Variants in FARS2 observed in about 807,000 individuals in gnomAD.
FARS2 encodes phenylalanyl-tRNA synthetase 2, mitochondrial.
Under a neutral mutation model 46.4 loss-of-function variants are expected in FARS2, and 40 were observed. The ratio of observed to expected loss-of-function variants is 0.86; its 90% CI spans 0.67 to 1.12. The LOEUF is 1.12. FARS2 is among the 50% of genes most tolerant of loss of function. FARS2 has a pLI of 0.00. For missense variants in FARS2, 513 were observed against 567.9 expected (o/e 0.90, Z 0.98); for synonymous variants, 234 against 214.9 (o/e 1.09, Z -0.78).
At chr6:5,271,949 G>C (rs934168891) in intron 1 of FARS2, among the ~76,000 whole-genome samples, 35 of 152,098 alleles carry the variant, frequency 2.3e-4, no homozygotes, top group African/African-American at 8.2e-4. Flanking sequence ...AGGACCCCCT[G>C]CCGCCACCAC....
At chr6:5,479,873 C>G (rs1414864921) in intron 4 of FARS2, among the ~76,000 whole-genome samples, 2 of 152,200 alleles carry the variant, frequency 1.3e-5, no homozygotes, top group African/African-American at 4.8e-5. Flanking sequence ...TACCAGCTAG[C>G]TATATTGATG....
intron 6 of FARS2, among the ~76,000 whole-genome samples, chr6:5,624,673 G>T (rs926498403): frequency 6.6e-6 from 1 of 152,200 alleles, no homozygotes; most frequent in Admixed American, 6.5e-5. Flanking sequence ...CTCTTTCCAA[G>T]ATGAGGGATG....
chr6:5,281,544 A>G (rs2127856746), intron 1 of FARS2, among the ~76,000 whole-genome samples: 1 of 152,266 alleles, frequency 6.6e-6, no homozygotes, highest in South Asian at 2.1e-4. Flanking sequence ...TGCTTGAGGA[A>G]AACACCACCA....
chr6:5,370,454 A>G (rs1407043755), intron 2 of FARS2, among the ~76,000 whole-genome samples: 3 of 152,180 alleles, frequency 2.0e-5, no homozygotes, highest in African/African-American at 4.8e-5. Context: ...TTAGGGAACT[A>G]ATATGAGATG....
At chr6:5,452,509 C>G (rs1764556522) in intron 4 of FARS2, 1 of 152,288 alleles carries the variant, frequency 6.6e-6, no homozygotes, top group East Asian at 1.9e-4. Flanking sequence ...GGGCAGTCCT[C>G]ATGCTCATTT....
At chr6:5,395,344 C>T (rs895122539) in intron 2 of FARS2, among the ~76,000 whole-genome samples, 1 of 152,108 alleles carries the variant, frequency 6.6e-6, no homozygotes, top group Non-Finnish European at 1.5e-5. Context: ...AGCCACTGTG[C>T]CTGGCCACTG....
intron 5 of FARS2, among the ~76,000 whole-genome samples, chr6:5,549,934 A>T (rs76008096): frequency 0.01 from 1,585 of 152,276 alleles, 29 homozygotes; most frequent in African/African-American, 0.036. Flanking sequence ...TCATCTAAAT[A>T]TCATCAGCCC....
chr6:5,484,833 TAGTG>T (rs1223493888), intron 4 of FARS2, among the ~76,000 whole-genome samples: 1 of 152,142 alleles, frequency 6.6e-6, no homozygotes, highest in Non-Finnish European at 1.5e-5. Context: ...ATGGTATCCT[TAGTG>T]CGTGCAGCTG....
chr6:5,281,809 G>A (rs1561929210), intron 1 of FARS2, among the ~76,000 whole-genome samples: 1 of 152,132 alleles, frequency 6.6e-6, no homozygotes, highest in Non-Finnish European at 1.5e-5. Context: ...TTGGGAAATG[G>A]TAGACACTTC....
At chr6:5,420,854 AAGCCCAC>A (rs1289351402) in intron 3 of FARS2, among the ~76,000 whole-genome samples, 4 of 152,000 alleles carry the variant, frequency 2.6e-5, no homozygotes, top group Non-Finnish European at 5.9e-5. Flanking sequence ...CTCCTGCCGC[AAGCCCAC>A]AGTGTGCCAT....
intron 4 of FARS2, among the ~76,000 whole-genome samples, chr6:5,515,452 A>C (rs1768727688): frequency 6.6e-6 from 1 of 151,920 alleles, no homozygotes; most frequent in Non-Finnish European, 1.5e-5. Context: ...TTTTTGAGAC[A>C]GAGTCTCCCT....
At chr6:5,667,027 A>G (rs1778161343) in intron 6 of FARS2, among the ~76,000 whole-genome samples, 2 of 152,288 alleles carry the variant, frequency 1.3e-5, no homozygotes, top group Admixed American at 6.5e-5. Context: ...TTGCAAACAC[A>G]TGGACACATA....
chr6:5,399,445 G>C (rs1350571839), intron 2 of FARS2, among the ~76,000 whole-genome samples: 1 of 151,972 alleles, frequency 6.6e-6, no homozygotes, highest in Non-Finnish European at 1.5e-5. Context: ...CAAAGTGCTG[G>C]GATTGCAGGT....
chr6:5,542,035 C>T (rs961289973), intron 4 of FARS2, among the ~76,000 whole-genome samples: 2 of 152,128 alleles, frequency 1.3e-5, no homozygotes, highest in African/African-American at 4.8e-5. Flanking sequence ...AGCATATAAC[C>T]AGCAATGAGG....
Position 5,545,395 on chromosome 6 carries a change from C to T in FARS2, c.1065+55C>T, listed in dbSNP as rs567014004. On this transcript the variant is annotated intron_variant, in intron 5 of 6. Transcript: ENST00000274680. ...AATAATAAAAATGGCTGTCAAGGAT[C>T]GACAGGATCATGTACTTGAAAGCCA... 41 of 1,338,786 alleles carry T rather than the reference C, an allele frequency of 3.1e-5. 2 individuals are homozygous for T. In the African/African-American group the frequency reaches 3.2e-4, roughly 10 times the overall value. 82.9% of individuals were successfully genotyped at this position (1,338,786 alleles called of 1,614,324 possible). A position where few individuals can be genotyped will look rare whatever the true frequency, so the allele number is the denominator to read the frequency against.
intron 6 of FARS2, among the ~76,000 whole-genome samples, chr6:5,683,046 G>T (rs1282978629): frequency 6.6e-6 from 1 of 152,246 alleles, no homozygotes; most frequent in Admixed American, 6.5e-5. Context: ...GCTGGGACAT[G>T]TAGGGCTGTG....
chr6:5,420,409 C>T (rs4552779), intron 3 of FARS2, among the ~76,000 whole-genome samples: 71,174 of 151,978 alleles, frequency 0.47, 16,880 homozygotes, highest in Non-Finnish European at 0.5. Flanking sequence ...TCATCTGAGA[C>T]AGGGCAAGTC....
intron 6 of FARS2, among the ~76,000 whole-genome samples, chr6:5,723,276 C>T (rs1760027764): frequency 6.6e-6 from 1 of 152,144 alleles, no homozygotes; most frequent in Non-Finnish European, 1.5e-5. Flanking sequence ...AAACAAAGCT[C>T]ATATCTATAT....
At chr6:5,271,917 C>A (rs1765983188) in intron 1 of FARS2, among the ~76,000 whole-genome samples, 1 of 152,158 alleles carries the variant, frequency 6.6e-6, no homozygotes, top group Non-Finnish European at 1.5e-5. Context: ...ATGACTCAAT[C>A]ACGTAAGCTC....
Sources: allele counts gnomAD v4.1 joint callset (sites outside exome capture counted in the v4.1 genomes callset), GRCh38; gene constraint gnomAD v4.1.1; transcripts MANE v1.5; gene names NCBI Gene and HGNC (gene_info 2026-07-23, HGNC 2026-07-21).